Variants in STK38 observed in about 807,000 individuals in gnomAD.
STK38 encodes serine/threonine kinase 38, also known as serine/threonine-protein kinase 38.
A neutral mutation model predicts 59.0 loss-of-function variants in STK38; 26 were observed. The ratio of observed to expected loss-of-function variants is 0.44; its 90% CI spans 0.32 to 0.61. The LOEUF (loss-of-function observed/expected upper bound fraction) is 0.61, where lower values mean the gene tolerates loss of function less well. STK38 is among the 20% of genes least tolerant of loss of function. STK38 has a pLI of 0.04. For synonymous variants in STK38, 175 were observed against 176.6 expected (o/e 0.99, Z 0.07); for missense variants, 433 against 566.0 (o/e 0.76, Z 2.38).
intron 2 of STK38, among the ~76,000 whole-genome samples, chr6:36,532,582 C>A (rs192153368): frequency 1.2e-4 from 19 of 152,038 alleles, no homozygotes; most frequent in African/African-American, 4.3e-4. Flanking sequence ...TCAAGACCAG[C>A]CTGGCCAACG....
intron 9 of STK38, among the ~76,000 whole-genome samples, chr6:36,501,833 GTTC>G (rs1776848855): frequency 6.6e-6 from 1 of 152,122 alleles, no homozygotes; most frequent in African/African-American, 2.4e-5. Flanking sequence ...GTTTTTATCC[GTTC>G]TTCTGTAATG....
At chr6:36,525,950 C>T (rs538919505) in intron 2 of STK38, among the ~76,000 whole-genome samples, 70 of 152,172 alleles carry the variant, frequency 4.6e-4, no homozygotes, top group Non-Finnish European at 7.6e-4. Context: ...ACCTCACAGG[C>T]TCAAGCAATC....
chr6:36,528,445 A>C (rs879220746), intron 2 of STK38, among the ~76,000 whole-genome samples: 5 of 152,214 alleles, frequency 3.3e-5, no homozygotes, highest in Admixed American at 6.5e-5. Flanking sequence ...AATATGACCA[A>C]CTGGCAATAG....
chr6:36,524,476 TAAA>T lies in STK38; in HGVS notation c.184-16_184-14del, dbSNP rs1385316397. ...TCCGGAGTCGTTTCTAATATTTAAA[TAAA>T]AAAGGGAGGAGACGGGAAGGAACTG... On this transcript the variant is annotated splice_polypyrimidine_tract_variant and intron_variant, in intron 3 of 13. Coordinates refer to ENST00000229812, the MANE Select transcript of STK38 (RefSeq NM_007271.4). 6.3e-7 allele frequency: 1 copy of T among 1,577,712 alleles called. No homozygotes were observed. The highest frequency in any genetic ancestry group is 8.6e-7 in the Non-Finnish European group (1 of 1,166,910).
intron 4 of STK38, among the ~76,000 whole-genome samples, chr6:36,522,985 G>A (rs1019913340): frequency 2.0e-5 from 3 of 150,744 alleles, no homozygotes; most frequent in Admixed American, 6.6e-5. Context: ...ATAATTTTAT[G>A]AAGAAAATTT....
At chr6:36,505,579 T>C (rs932770344) in intron 9 of STK38, among the ~76,000 whole-genome samples, 2 of 152,218 alleles carry the variant, frequency 1.3e-5, no homozygotes, top group African/African-American at 4.8e-5. Flanking sequence ...TCTAGAGAAC[T>C]GTAAATCAGT....
At chr6:36,522,840 A>G (rs1284087549) in intron 4 of STK38, among the ~76,000 whole-genome samples, 1 of 139,608 alleles carries the variant, frequency 7.2e-6, no homozygotes, top group Non-Finnish European at 1.5e-5. Context: ...TGGGCAACAG[A>G]GCAAGACTCT....
intron 5 of STK38, among the ~76,000 whole-genome samples, chr6:36,518,073 A>G (rs1042231200): frequency 6.6e-6 from 1 of 152,238 alleles, no homozygotes; most frequent in African/African-American, 2.4e-5. Flanking sequence ...AAAAATGGCA[A>G]AATGAATGGC....
rs762900991 is a variant in STK38, at chr6:36,495,801, T to A, written c.1381A>T (p.Met461Leu). ...CAAGAGTACTATTTTGCTGCTTTCA[T>A]GTAGGAAGGTATTGCCCCCCTTGCA... ...LTARGAIPSY[M>L]KAAK is the part of the protein sequence containing the mutation. The change falls in exon 14 of 14, where the codon ATG becomes TTG. Residue 461 changes from methionine to leucine, a missense_variant. Met to Leu is a conservative substitution (Grantham distance 15, BLOSUM62 2). Coordinates refer to ENST00000229812, the MANE Select transcript of STK38 (RefSeq NM_007271.4). 1.2e-5 allele frequency: 20 copies of A among 1,613,982 alleles called. No homozygotes were observed. The highest frequency in any genetic ancestry group is 1.7e-5 in the Non-Finnish European group (20 of 1,179,908).
chr6:36,519,098 AT>A (rs1777323166), intron 5 of STK38, among the ~76,000 whole-genome samples: 1 of 152,198 alleles, frequency 6.6e-6, no homozygotes, highest in Non-Finnish European at 1.5e-5. Flanking sequence ...GCCCAGAGGC[AT>A]TTGACTTTAT....
At chr6:36,516,267 T>C (rs1777249339) in intron 6 of STK38, among the ~76,000 whole-genome samples, 1 of 152,248 alleles carries the variant, frequency 6.6e-6, no homozygotes, top group South Asian at 2.1e-4. Flanking sequence ...AATTTCATCA[T>C]TTCTAATACC....
intron 8 of STK38, 69 bp from the exon 9 acceptor site, chr6:36,506,713 T>C (rs1165782535): frequency 3.6e-6 from 5 of 1,407,856 alleles, no homozygotes; most frequent in Non-Finnish European, 4.9e-6. Context: ...TTTAGTAGGC[T>C]CTTTCAAGTC....
chr6:36,497,978 C>G, intron 11 of STK38, 103 bp from the exon 12 acceptor site: 1 of 781,726 alleles, frequency 1.3e-6, no homozygotes, highest in Non-Finnish European at 2.0e-6. Flanking sequence ...CTCACTCTGT[C>G]ACCCAGGCTG....
At chr6:36,520,746 A>T (rs1317065634) in intron 5 of STK38, among the ~76,000 whole-genome samples, 1 of 152,152 alleles carries the variant, frequency 6.6e-6, no homozygotes, top group African/African-American at 2.4e-5. Context: ...CCCAACTGAA[A>T]TTCCTGGGAG....
chr6:36,515,201 G>GT, intron 7 of STK38, 137 bp downstream of exon 7: 1 of 1,003,822 alleles, frequency 1.0e-6, no homozygotes, highest in Non-Finnish European at 1.4e-6. Context: ...AAACTTACCT[G>GT]TTTAAAAAAA....
chr6:36,525,226 C>T (rs1013363257), intron 3 of STK38, among the ~76,000 whole-genome samples: 10 of 152,026 alleles, frequency 6.6e-5, no homozygotes, highest in Non-Finnish European at 7.4e-5. Context: ...CGTATGTATC[C>T]CAGAAAAAGT....
intron 2 of STK38, among the ~76,000 whole-genome samples, chr6:36,527,208 ATATATGT>A (rs1777543050): frequency 8.3e-5 from 7 of 84,718 alleles, no homozygotes; most frequent in East Asian, 6.7e-4. Context: ...AAAAAAAAAA[ATATATGT>A]ATATATATAT....
rs180772000 is a variant in STK38 at position 36,534,255 on chromosome 6, C to A, written c.131+5817G>T. On this transcript the variant is annotated intron_variant, in intron 2 of 13. Coordinates refer to ENST00000229812, the MANE Select transcript of STK38 (RefSeq NM_007271.4). ...AAAAGCATTTGAAAAAAATTCAACACCCACAAAAAAAATCAAAACAAATGA... is the reference window on the plus strand; with the variant it reads ...AAAAGCATTTGAAAAAAATTCAACAACCACAAAAAAAATCAAAACAAATGA... Among the ~76,000 whole-genome samples the A allele has an allele frequency of 3.5e-3, 526 of 151,578 alleles. 1 individual carries two copies. The highest frequency in any genetic ancestry group is 0.012 in the African/African-American group (499 of 41,332).
intron 9 of STK38, among the ~76,000 whole-genome samples, chr6:36,502,051 G>A (rs559118201): frequency 6.6e-6 from 1 of 152,276 alleles, no homozygotes; most frequent in South Asian, 2.1e-4. Context: ...CCCCGGTGGG[G>A]ATTAGCTTCT....
Sources: gnomAD v4.1 joint callset for allele counts (sites outside exome capture counted in the v4.1 genomes callset) on GRCh38, gnomAD v4.1.1 for gene constraint, MANE v1.5 for transcripts, NCBI Gene and HGNC (gene_info 2026-07-23, HGNC 2026-07-21) for gene names.